Variants in CALML4 observed in about 807,000 individuals in gnomAD.
The protein encoded by CALML4 is calmodulin like 4.
In CALML4, 16 loss-of-function variants were observed where a neutral mutation model predicts 17.9. The ratio of observed to expected loss-of-function variants is 0.89; its 90% CI spans 0.61 to 1.36. The LOEUF (loss-of-function observed/expected upper bound fraction) is 1.36. CALML4 is among the 40% of genes most tolerant of loss of function. The pLI is 0.00. For synonymous variants in CALML4, 86 were observed against 71.5 expected (o/e 1.20, Z -1.02); for missense variants, 203 against 194.8 (o/e 1.04, Z -0.25).
At chr15:68,202,089 G>T (rs1356751210) in intron 2 of CALML4, among the ~76,000 whole-genome samples, 1 of 152,228 alleles carries the variant, frequency 6.6e-6, no homozygotes, top group Admixed American at 6.5e-5. Flanking sequence ...TGGGTTAAAT[G>T]AATTGGATTA....
In CALML4 at chr15:68,199,531, C is replaced by A. The variant is rs377350974; in HGVS notation, c.175+10G>T. ...CCTCCCCTCTCCCCGTTGTTCCCAC[C>A]ACCACTCACCTATCCCGTGGGTCTG... is the stretch of plus-strand genomic sequence containing the variant. On this transcript the variant is annotated intron_variant, in intron 3 of 4. Transcript: ENST00000467889. 1.6e-5 allele frequency: 25 copies of A among 1,608,106 alleles called. No individual in the cohort carries two copies. The highest frequency in any genetic ancestry group is 2.1e-5 in the Non-Finnish European group (25 of 1,176,912).
rs1222574523 is a variant in CALML4, at chr15:68,191,960, A to G, written c.*2055T>C. Reference sequence around the variant, plus strand: ...ACCAACTGTGTGTTTTTGGCAAGTTATATTTCAGATTCCTGTTAGGCAAAT... The same window carrying G: ...ACCAACTGTGTGTTTTTGGCAAGTTGTATTTCAGATTCCTGTTAGGCAAAT... On this transcript the variant is annotated 3_prime_UTR_variant, in exon 5 of 5. Coordinates refer to ENST00000467889, the MANE Select transcript of CALML4 (RefSeq NM_033429.3). 6.6e-6 allele frequency: 1 copy of G among 152,240 alleles called. No individual in the cohort carries two copies. The highest frequency in any genetic ancestry group is 1.5e-5 in the Non-Finnish European group (1 of 68,046). 9.4% of individuals were successfully genotyped at this position (152,240 alleles called of 1,614,324 possible). A position where few individuals can be genotyped will look rare whatever the true frequency, so the allele number is the denominator to read the frequency against.
At chr15:68,202,302 C>G (rs1022022017) in intron 2 of CALML4, among the ~76,000 whole-genome samples, 8 of 152,206 alleles carry the variant, frequency 5.3e-5, no homozygotes, top group Non-Finnish European at 1.2e-4. Flanking sequence ...GTACACTATT[C>G]TTTATTATAA....
rs2093162984 is a variant in CALML4, at chr15:68,200,775, A to G, written c.35-1094T>C. On this transcript the variant is annotated intron_variant, in intron 2 of 4. Coordinates refer to ENST00000467889, the MANE Select transcript of CALML4 (RefSeq NM_033429.3). This position sits in a 1 kb window ranked among gnomAD's most constrained non-coding sequence, Gnocchi z 4.3. Reference sequence around the variant, plus strand: ...GGTCCTTAGAGGCCTGGACAATAATAGCCCCTTAGCTGATGACAGCAACAA... The same window carrying G: ...GGTCCTTAGAGGCCTGGACAATAATGGCCCCTTAGCTGATGACAGCAACAA... 6.6e-6 allele frequency among the ~76,000 whole-genome samples: 1 copy of G among 152,142 alleles called. No homozygotes were observed. Among genetic ancestry groups the G allele is most frequent in the Admixed American group, 6.5e-5 (1 of 15,278 alleles).
chr15:68,204,990 C>A lies in CALML4; in HGVS notation c.34+131G>T, dbSNP rs2093177333. 3 of 1,046,634 alleles carry A rather than the reference C, an allele frequency of 2.9e-6. No individual in the cohort carries two copies. The highest frequency in any genetic ancestry group is 2.8e-5 in the South Asian group (2 of 71,024). 64.8% of individuals were successfully genotyped at this position (1,046,634 alleles called of 1,614,324 possible). ...CCCGCCAACAGCAGCCTCCCCGCAG[C>A]TCTTGGCCCTGGGTGGGCCCAGCTC... On this transcript the variant is annotated intron_variant, in intron 2 of 4. Transcript: ENST00000467889. This position sits in a 1 kb window ranked among gnomAD's most constrained non-coding sequence, Gnocchi z 6.0.
chr15:68,198,169 A>G (rs2093152487), intron 3 of CALML4: 1 of 152,726 alleles, frequency 6.5e-6, no homozygotes, highest in Non-Finnish European at 1.5e-5. Context: ...TCCCTGGACT[A>G]CAACTTCCTG....
intron 3 of CALML4, 32 bp downstream of exon 3, chr15:68,199,509 C>A: frequency 6.3e-7 from 1 of 1,592,256 alleles, no homozygotes; most frequent in South Asian, 1.1e-5. Context: ...CTGGGCCCCT[C>A]CCCTCTCCCC....
chr15:68,199,474 C>T (rs2093157733), intron 3 of CALML4, 67 bp downstream of exon 3: 25 of 1,495,448 alleles, frequency 1.7e-5, no homozygotes, highest in Non-Finnish European at 2.1e-5. Context: ...GAGCTTTTCA[C>T]ACCTCTACTG....
At chr15:68,196,611 G>GAGCT (rs1555436775) in intron 4 of CALML4, among the ~76,000 whole-genome samples, 4 of 152,190 alleles carry the variant, frequency 2.6e-5, no homozygotes, top group Non-Finnish European at 4.4e-5. Context: ...GGCAGAGGCA[G>GAGCT]AGCTGGCTGG....
upstream of CALML4, chr15:68,205,445 G>C: frequency 6.3e-7 from 1 of 1,592,604 alleles, no homozygotes; most frequent in Non-Finnish European, 8.6e-7. The surrounding 1 kb of genome is among the most constrained non-coding windows in gnomAD (Gnocchi z 4.8). Flanking sequence ...CCCGCCACCT[G>C]GGCAGGTTGG....
At chr15:68,195,507 C>T (rs1276795429) in intron 4 of CALML4, among the ~76,000 whole-genome samples, 6 of 152,102 alleles carry the variant, frequency 3.9e-5, no homozygotes, top group African/African-American at 1.2e-4. Flanking sequence ...CCCATCTGGG[C>T]GAGGGACAGC....
At position 68,204,225 on chromosome 15, in the gene CALML4, C is replaced by G. The variant is rs183393447; in HGVS notation, c.34+896G>C. Among the ~76,000 whole-genome samples, 3 of 152,308 alleles carry G rather than the reference C, an allele frequency of 2.0e-5. No individual in the cohort carries two copies. The highest frequency in any genetic ancestry group is 7.2e-5 in the African/African-American group (3 of 41,568). ...ACTCCTGCCCAGGTAACCCTAACCC[C>G]ACTTGGCTGGGCTCTCAGGACCCTA... On this transcript the variant is annotated intron_variant, in intron 2 of 4. Coordinates refer to ENST00000467889, the MANE Select transcript of CALML4 (RefSeq NM_033429.3). The surrounding 1 kb of genome is among the most constrained non-coding windows in gnomAD (Gnocchi z 6.0).
At position 68,197,118 on chromosome 15, in the gene CALML4, G is replaced by A. The variant is rs2280216; in HGVS notation, c.364+322C>T. Among the ~76,000 whole-genome samples the A allele has an allele frequency of 8.1e-5, 12 of 148,110 alleles. No individual in the cohort carries two copies. The East Asian group carries it at 2.3e-3, about 29-fold the overall frequency. ...GTGCTCCCAGGGGTGTCATGCACTA[G>A]ATGAAGCCCCACAGTGAGAGCTTGA... is the stretch of plus-strand genomic sequence containing the variant. On this transcript the variant is annotated intron_variant, in intron 4 of 4. Coordinates refer to ENST00000467889, the MANE Select transcript of CALML4 (RefSeq NM_033429.3). This position sits in a 1 kb window ranked among gnomAD's most constrained non-coding sequence, Gnocchi z 4.1.
chr15:68,203,101 CA>C (rs67713797), intron 2 of CALML4, among the ~76,000 whole-genome samples: 83,895 of 151,562 alleles, frequency 0.55, 23,757 homozygotes, highest in African/African-American at 0.61. Flanking sequence ...AGGCATGAGC[CA>C]ACTGCACCTG....
At position 68,204,973 on chromosome 15, in the gene CALML4, C is replaced by G; in HGVS notation, c.34+148G>C. ...TTACCCCCAACCCCCACCCCGCCAA[C>G]AGCAGCCTCCCCGCAGCTCTTGGCC... On this transcript the variant is annotated intron_variant, in intron 2 of 4. Transcript: ENST00000467889. The surrounding 1 kb of genome is among the most constrained non-coding windows in gnomAD (Gnocchi z 6.0). 2.3e-6 allele frequency: 2 copies of G among 856,248 alleles called. No homozygotes were observed. Among genetic ancestry groups the G allele is most frequent in the South Asian group, 3.2e-5 (2 of 63,112 alleles). The allele number at this position is 856,248 out of a possible 1,614,324, so 53.0% of individuals were successfully genotyped here.
At chr15:68,205,784 C>G (rs560935988), upstream of CALML4, 30 of 205,634 alleles carry the variant, frequency 1.5e-4, no homozygotes, top group South Asian at 2.5e-3. This position sits in a 1 kb window ranked among gnomAD's most constrained non-coding sequence, Gnocchi z 4.8. Flanking sequence ...CTTCGGTGCT[C>G]TCAGGCTGGG....
At chr15:68,199,121 C>T (rs998124327) in intron 3 of CALML4, among the ~76,000 whole-genome samples, 5 of 151,768 alleles carry the variant, frequency 3.3e-5, no homozygotes, top group African/African-American at 4.8e-5. Flanking sequence ...GAGATCTCAC[C>T]ACTGCACGTC....
At chr15:68,194,794 A>G (rs1037993638) in intron 4 of CALML4, among the ~76,000 whole-genome samples, 1 of 151,950 alleles carries the variant, frequency 6.6e-6, no homozygotes, top group Non-Finnish European at 1.5e-5. Context: ...CTGCAAACAG[A>G]GCGAACATCC....
chr15:68,198,242 G>A (rs2093152714), intron 3 of CALML4: 2 of 152,348 alleles, frequency 1.3e-5, no homozygotes, highest in Admixed American at 6.5e-5. Flanking sequence ...GGGGATCTCA[G>A]GTATCAGACC....
Sources: allele counts gnomAD v4.1 joint callset (sites outside exome capture counted in the v4.1 genomes callset), GRCh38; gene constraint gnomAD v4.1.1; non-coding constraint Gnocchi (gnomAD v3.1); transcripts MANE v1.5; gene names NCBI Gene and HGNC (gene_info 2026-07-23, HGNC 2026-07-21).